Variants in ABCC6 observed in about 807,000 individuals in gnomAD.
ABCC6 encodes ATP binding cassette subfamily C member 6, also known as ATP-binding cassette sub-family C member 6.
ABCC6 carries 126 observed loss-of-function variants against 169.5 expected under a neutral mutation model. The ratio of observed to expected loss-of-function variants is 0.74; its 90% CI spans 0.64 to 0.86. The LOEUF (loss-of-function observed/expected upper bound fraction) is 0.86. ABCC6 is among the 40% of genes least tolerant of loss of function. ABCC6 has a pLI of 0.00. For missense variants in ABCC6, 1,733 were observed against 1,927.2 expected (o/e 0.90, Z 1.89); for synonymous variants, 752 against 814.7 (o/e 0.92, Z 1.31).
Position 16,198,188 on chromosome 16 carries a change from G to T in ABCC6, c.1177-6C>A. 1.3e-6 allele frequency: 2 copies of T among 1,585,952 alleles called. No homozygotes were observed. Among genetic ancestry groups the T allele is most frequent in the East Asian group, 4.6e-5 (2 of 43,650 alleles). On this transcript the variant is annotated splice_polypyrimidine_tract_variant and splice_region_variant and intron_variant, in intron 9 of 30. Transcript: ENST00000205557. ...CCGCTGGACAGAGCCAGGACCTGGCGGGTGGGCAGAAGGAGAGAAGTAAAG... is the reference window on the plus strand; with the variant it reads ...CCGCTGGACAGAGCCAGGACCTGGCTGGTGGGCAGAAGGAGAGAAGTAAAG...
intron 9 of ABCC6, among the ~76,000 whole-genome samples, chr16:16,198,598 C>G (rs1422300131): frequency 6.6e-6 from 1 of 152,154 alleles, no homozygotes; most frequent in African/African-American, 2.4e-5. Flanking sequence ...CCTGTAATCC[C>G]GCCACTCTGG....
At chr16:16,156,187 A>C (rs1596592367) in intron 27 of ABCC6, among the ~76,000 whole-genome samples, 1 of 152,302 alleles carries the variant, frequency 6.6e-6, no homozygotes, top group East Asian at 1.9e-4. Context: ...AAGTGCTGGG[A>C]TTACAGGTAT....
At chr16:16,179,075 T>G (rs1351565091) in intron 17 of ABCC6, 110 bp from the exon 18 acceptor site, 91 of 1,205,948 alleles carry the variant, frequency 7.5e-5, no homozygotes, top group Non-Finnish European at 9.7e-5. Context: ...GAGGTACAGC[T>G]CAACATGCCT....
chr16:16,166,015 C>T, intron 22 of ABCC6, 82 bp from the exon 23 acceptor site: 1 of 1,414,108 alleles, frequency 7.1e-7, no homozygotes, highest in Non-Finnish European at 9.8e-7. Flanking sequence ...GTCTCTCCCG[C>T]TACCCCATGG....
Position 16,159,435 on chromosome 16 carries a change from C to A in ABCC6, c.3735+47G>T, listed in dbSNP as rs59049137. On this transcript the variant is annotated intron_variant, in intron 26 of 30. Transcript: ENST00000205557. ...TCAACAGGGACCCATTGCCCCCCCC[C>A]ACAATATGTCCTTGCTGGGACCCCC... is the stretch of plus-strand genomic sequence containing the variant. The A allele has an allele frequency of 1.0e-4, 149 of 1,451,986 alleles. 1 individual carries two copies. Among genetic ancestry groups the A allele is most frequent in the South Asian group, 8.6e-4 (75 of 87,126 alleles). The allele number at this position is 1,451,986 out of a possible 1,614,324, so 89.9% of individuals were successfully genotyped here.
At chr16:16,155,317 C>T (rs1306321735) in intron 27 of ABCC6, 6 of 548,456 alleles carry the variant, frequency 1.1e-5, no homozygotes, top group African/African-American at 5.7e-5. Flanking sequence ...CTTCTATTTA[C>T]ACCTCTCCAT....
chr16:16,194,770 A>AG, intron 10 of ABCC6, among the ~76,000 whole-genome samples: 1 of 152,050 alleles, frequency 6.6e-6, no homozygotes, highest in African/African-American at 2.4e-5. Flanking sequence ...GGCTCACTGC[A>AG]ACCTCTGCTT....
At chr16:16,198,247 G>C in intron 9 of ABCC6, 65 bp from the exon 10 acceptor site, 1 of 1,529,320 alleles carries the variant, frequency 6.5e-7, no homozygotes, top group Non-Finnish European at 8.9e-7. Flanking sequence ...GCCCCAGGTG[G>C]CTTCTCCACC....
At chr16:16,159,384 A>T in intron 26 of ABCC6, 98 bp downstream of exon 26, 1 of 1,139,970 alleles carries the variant, frequency 8.8e-7, no homozygotes, top group Non-Finnish European at 1.3e-6. Flanking sequence ...AGAAGAGGGT[A>T]TAAACTCCAA....
chr16:16,202,547 G>A (rs1395957095), intron 8 of ABCC6, among the ~76,000 whole-genome samples: 1 of 142,948 alleles, frequency 7.0e-6, no homozygotes, highest in African/African-American at 2.9e-5. Flanking sequence ...AGGTCATTAG[G>A]CTGGGCCCTA....
At chr16:16,212,867 C>T (rs557999627) in intron 5 of ABCC6, among the ~76,000 whole-genome samples, 10 of 152,144 alleles carry the variant, frequency 6.6e-5, no homozygotes, top group African/African-American at 1.7e-4. Flanking sequence ...CAATATCCCT[C>T]GGCAAATGTT....
chr16:16,200,179 C>T (rs2048191770), intron 9 of ABCC6, among the ~76,000 whole-genome samples: 1 of 152,028 alleles, frequency 6.6e-6, no homozygotes, highest in East Asian at 1.9e-4. Context: ...TGTCTGTAAT[C>T]CCAGCACTTT....
intron 9 of ABCC6, among the ~76,000 whole-genome samples, chr16:16,200,564 A>C (rs1372401864): frequency 1.4e-5 from 2 of 140,246 alleles, no homozygotes; most frequent in African/African-American, 5.1e-5. Context: ...CCTTCCTCTT[A>C]GGCTCAAGGA....
At chr16:16,195,280 G>C (rs1186272618) in intron 10 of ABCC6, among the ~76,000 whole-genome samples, 1 of 146,952 alleles carries the variant, frequency 6.8e-6, no homozygotes, top group Non-Finnish European at 1.5e-5. Flanking sequence ...CATTATCTAT[G>C]GATATCTTGT....
chr16:16,198,804 G>A (rs960664071), intron 9 of ABCC6, among the ~76,000 whole-genome samples: 6 of 151,548 alleles, frequency 4.0e-5, no homozygotes, highest in Non-Finnish European at 7.4e-5. Context: ...GACCAGCCTG[G>A]CCAACATGGT....
At chr16:16,198,299 A>G in intron 9 of ABCC6, 117 bp from the exon 10 acceptor site, 1 of 1,170,568 alleles carries the variant, frequency 8.5e-7, no homozygotes, top group Admixed American at 2.2e-5. Context: ...GGGTGAGTAA[A>G]GTCTCTTAGG....
intron 29 of ABCC6, among the ~76,000 whole-genome samples, chr16:16,153,955 A>G (rs535376711): frequency 1.3e-5 from 2 of 151,760 alleles, no homozygotes; most frequent in African/African-American, 4.8e-5. Context: ...TTTTATGTGT[A>G]TCTTTCCACA....
intron 27 of ABCC6, 39 bp from the exon 28 acceptor site, chr16:16,155,070 G>C (rs1187108630): frequency 1.3e-6 from 2 of 1,536,410 alleles, no homozygotes; most frequent in Admixed American, 2.0e-5. Context: ...TCTGACCAGA[G>C]GGTTTGTGGG....
intron 20 of ABCC6, among the ~76,000 whole-genome samples, chr16:16,175,214 G>C (rs1289554758): frequency 1.3e-5 from 2 of 152,208 alleles, no homozygotes; most frequent in African/African-American, 4.8e-5. Context: ...TGGCTAGCTG[G>C]GATGGGGGTC....
Sources: allele counts gnomAD v4.1 joint callset (sites outside exome capture counted in the v4.1 genomes callset), GRCh38; gene constraint gnomAD v4.1.1; transcripts MANE v1.5; gene names NCBI Gene and HGNC (gene_info 2026-07-23, HGNC 2026-07-21).